The following RANBP2 variants were observed in gnomAD, a reference collection of about 807,000 sequenced individuals.
RANBP2 encodes the protein RAN binding protein 2.
Under a neutral mutation model 303.6 loss-of-function variants are expected in RANBP2, and 57 were observed. The observed-to-expected ratio is 0.19, with a 90% CI of 0.15 to 0.23. The LOEUF (loss-of-function observed/expected upper bound fraction) is 0.23. Among genes scored for constraint, RANBP2 ranks in the 10% least tolerant of loss-of-function variants. RANBP2 has a pLI of 1.00. For missense variants in RANBP2, 3,138 were observed against 3,780.8 expected (o/e 0.83, Z 4.46); for synonymous variants, 1,167 against 1,301.5 (o/e 0.90, Z 2.23).
the RANBP2 span, among the ~76,000 whole-genome samples, chr2:109,507,960 G>A: frequency 6.6e-6 from 1 of 152,172 alleles, no homozygotes; most frequent in Non-Finnish European, 1.5e-5. Context: ...AAGAGTGGTG[G>A]GTTCACTAAG....
chr2:109,204,663 G>T, the RANBP2 span, among the ~76,000 whole-genome samples: 1 of 152,194 alleles, frequency 6.6e-6, no homozygotes, highest in African/African-American at 2.4e-5. Flanking sequence ...GGACCTGCTG[G>T]CAGGCAGGAT....
the RANBP2 span, among the ~76,000 whole-genome samples, chr2:109,397,093 T>G: frequency 6.6e-6 from 1 of 152,274 alleles, no homozygotes; most frequent in East Asian, 1.9e-4. Flanking sequence ...CCAGTTGTGC[T>G]GCTGCAGAGA....
the RANBP2 span, among the ~76,000 whole-genome samples, chr2:109,158,535 T>C: frequency 1.3e-5 from 2 of 152,166 alleles, no homozygotes; most frequent in Non-Finnish European, 2.9e-5. Context: ...GATGGTGTCA[T>C]GTCCAGAGGC....
chr2:109,530,051 T>A, the RANBP2 span, among the ~76,000 whole-genome samples: 1 of 152,134 alleles, frequency 6.6e-6, no homozygotes, highest in Non-Finnish European at 1.5e-5. Context: ...GTCTGATGAG[T>A]CTAATGAACA....
chr2:108,727,838 G>A (rs1188779109), intron 1 of RANBP2, among the ~76,000 whole-genome samples: 3 of 152,062 alleles, frequency 2.0e-5, no homozygotes, highest in African/African-American at 7.2e-5. Flanking sequence ...CTTGGCTTCA[G>A]GTGATCCGCC....
At chr2:109,629,300 A>AAG in the RANBP2 span, among the ~76,000 whole-genome samples, 1 of 105,816 alleles carries the variant, frequency 9.5e-6, no homozygotes, top group African/African-American at 3.6e-5. Flanking sequence ...ACCTGGCCTA[A>AAG]AGATATATAT....
chr2:109,471,259 T>G, the RANBP2 span, among the ~76,000 whole-genome samples: 5 of 144,228 alleles, frequency 3.5e-5, no homozygotes, highest in South Asian at 9.1e-4. Flanking sequence ...CTGAGTAATG[T>G]ATAAAGGAAA....
At chr2:109,417,854 CG>C in the RANBP2 span, among the ~76,000 whole-genome samples, 4 of 152,142 alleles carry the variant, frequency 2.6e-5, no homozygotes, top group African/African-American at 7.2e-5. Context: ...AGGTGGCCGG[CG>C]GCATGCAGAG....
At chr2:108,956,126 C>T in the RANBP2 span, among the ~76,000 whole-genome samples, 6 of 152,320 alleles carry the variant, frequency 3.9e-5, no homozygotes, top group East Asian at 9.6e-4. Context: ...TTATTCTTAA[C>T]AACAGCCTTT....
chr2:109,027,725 G>T, the RANBP2 span, among the ~76,000 whole-genome samples: 1 of 141,544 alleles, frequency 7.1e-6, no homozygotes, highest in Non-Finnish European at 1.6e-5. Context: ...GCAAGACCTA[G>T]AGTTGATGAG....
chr2:109,015,413 C>T, the RANBP2 span, among the ~76,000 whole-genome samples: 1 of 152,090 alleles, frequency 6.6e-6, no homozygotes, highest in East Asian at 1.9e-4. Context: ...TTTTCTCTCC[C>T]TTATGCTTTT....
chr2:109,062,267 T>C, the RANBP2 span, among the ~76,000 whole-genome samples: 2 of 152,224 alleles, frequency 1.3e-5, no homozygotes, highest in African/African-American at 4.8e-5. Flanking sequence ...TTACTCTTCC[T>C]ACCAGTTGGA....
chr2:109,174,906 C>CTTT, the RANBP2 span, among the ~76,000 whole-genome samples: 4 of 152,230 alleles, frequency 2.6e-5, no homozygotes, highest in Admixed American at 2.0e-4. Flanking sequence ...TTAGGCTTGT[C>CTTT]TAGCACTGAT....
Position 108,719,541 on chromosome 2 carries a change from G to C in RANBP2, c.-66G>C. 6.4e-7 allele frequency: 1 copy of C among 1,560,102 alleles called. No homozygotes were observed. Among genetic ancestry groups the C allele is most frequent in the Non-Finnish European group, 8.7e-7 (1 of 1,153,500 alleles). On this transcript the variant is annotated 5_prime_UTR_variant, in exon 1 of 29. Coordinates refer to ENST00000283195, the MANE Select transcript of RANBP2 (RefSeq NM_006267.5). ...CTGGTTTGCAGGCGCTTTCCTCTTG[G>C]AAGTGGCGACTGCTGCGGGCCTGAG...
chr2:108,791,862 A>C, the RANBP2 span: 2 of 1,478,168 alleles, frequency 1.4e-6, no homozygotes, highest in Non-Finnish European at 1.8e-6. Context: ...AGAGTAAATG[A>C]AGCTTCCCTC....
the RANBP2 span, among the ~76,000 whole-genome samples, chr2:109,319,406 C>G: frequency 6.6e-6 from 1 of 152,192 alleles, no homozygotes; most frequent in South Asian, 2.1e-4. Flanking sequence ...CGGGGATCAC[C>G]CAGGCATCCT....
the RANBP2 span, among the ~76,000 whole-genome samples, chr2:109,299,435 C>G: frequency 6.6e-6 from 1 of 151,662 alleles, no homozygotes; most frequent in Non-Finnish European, 1.5e-5. Context: ...TAAGATCACC[C>G]TAAGGGTGAT....
At chr2:109,055,304 T>C in the RANBP2 span, among the ~76,000 whole-genome samples, 1 of 152,112 alleles carries the variant, frequency 6.6e-6, no homozygotes, top group African/African-American at 2.4e-5. Flanking sequence ...GTATCGTTAA[T>C]AGTCTCTTCC....
chr2:108,834,824 A>T, the RANBP2 span, among the ~76,000 whole-genome samples: 32 of 152,224 alleles, frequency 2.1e-4, no homozygotes, highest in African/African-American at 6.3e-4. Flanking sequence ...TGCATATTCT[A>T]AGTATCTCAT....
Sources: gnomAD v4.1 joint callset for allele counts (sites outside exome capture counted in the v4.1 genomes callset) on GRCh38, gnomAD v4.1.1 for gene constraint, MANE v1.5 for transcripts, NCBI Gene and HGNC (gene_info 2026-07-23, HGNC 2026-07-21) for gene names.